Variants in FAM13A observed in about 807,000 individuals in gnomAD.
FAM13A encodes the protein family with sequence similarity 13 member A, also known as protein FAM13A.
A neutral mutation model predicts 129.6 loss-of-function variants in FAM13A; 76 were observed. That is an observed-to-expected ratio of 0.59 (90% CI 0.49 to 0.71). The LOEUF (loss-of-function observed/expected upper bound fraction) is 0.71. Among genes scored for constraint, FAM13A ranks in the 30% least tolerant of loss-of-function variants. The pLI is 0.00. For missense variants in FAM13A, 1,108 were observed against 1,249.3 expected (o/e 0.89, Z 1.70); for synonymous variants, 443 against 449.9 (o/e 0.98, Z 0.20).
intron 7 of FAM13A, among the ~76,000 whole-genome samples, chr4:88,831,323 C>T (rs984004927): frequency 6.6e-6 from 1 of 152,206 alleles, no homozygotes; most frequent in African/African-American, 2.4e-5. Flanking sequence ...CTTAAATTGT[C>T]CCCTTGAACT....
At chr4:88,750,236 T>C (rs907095162) in intron 15 of FAM13A, among the ~76,000 whole-genome samples, 188 bp downstream of exon 15, 51 of 152,118 alleles carry the variant, frequency 3.4e-4, no homozygotes, top group African/African-American at 1.2e-3. Context: ...ATATGTGATG[T>C]TGCAGTTGGG....
chr4:88,868,554 G>C (rs973404371), intron 6 of FAM13A, among the ~76,000 whole-genome samples: 2 of 152,058 alleles, frequency 1.3e-5, no homozygotes, highest in Non-Finnish European at 2.9e-5. Context: ...GATTAAAACT[G>C]TTCAGTGGCT....
At chr4:88,748,039 G>A (rs1051992287) in intron 17 of FAM13A, among the ~76,000 whole-genome samples, 188 bp from the exon 18 acceptor site, 4 of 152,152 alleles carry the variant, frequency 2.6e-5, no homozygotes, top group African/African-American at 7.2e-5. Flanking sequence ...ACAGGTGCCC[G>A]CCACCACGCC....
At chr4:88,906,487 A>G (rs775770351) in intron 5 of FAM13A, 25 bp from the exon 6 acceptor site, 2 of 1,505,678 alleles carry the variant, frequency 1.3e-6, no homozygotes, top group Non-Finnish European at 1.8e-6. Flanking sequence ...TAAAGGAAAC[A>G]TTAGAGATTA....
At chr4:88,767,322 A>G (rs577194316) in intron 13 of FAM13A, among the ~76,000 whole-genome samples, 86 of 152,338 alleles carry the variant, frequency 5.6e-4, no homozygotes, top group African/African-American at 1.9e-3. Context: ...AGAAATCCCT[A>G]TGCTATTAAA....
chr4:88,919,064 T>C (rs915972930), intron 5 of FAM13A, among the ~76,000 whole-genome samples: 20 of 152,234 alleles, frequency 1.3e-4, no homozygotes, highest in African/African-American at 4.1e-4. Flanking sequence ...TTCCATTAAC[T>C]ACTCTGACAC....
At position 88,758,790 on chromosome 4, in the gene FAM13A, C is replaced by T. The variant is rs769399236; in HGVS notation, c.1690G>A (p.Asp564Asn). 5 of 1,613,902 alleles carry T rather than the reference C, an allele frequency of 3.1e-6. No individual in the cohort carries two copies. The highest frequency in any genetic ancestry group is 3.3e-5 in the Admixed American group (2 of 59,992). The change falls in exon 14 of 24, where the codon GAC becomes AAC. Residue 564 changes from aspartate (D) to asparagine (N), a missense_variant. Physicochemically the swap from Asp to Asn is conservative, Grantham distance 23. Coordinates refer to ENST00000264344, the MANE Select transcript of FAM13A (RefSeq NM_014883.4). ...ESFVSEVPQS[D>N]LTALCDEKNW... ...TTTTCATCACACAATGCAGTCAGGT[C>T]CGACTGGGGCACTTCGGAGACAAAG...
intron 4 of FAM13A, among the ~76,000 whole-genome samples, chr4:88,959,072 A>G (rs1250265714): frequency 6.6e-6 from 1 of 152,180 alleles, no homozygotes; most frequent in Non-Finnish European, 1.5e-5. Context: ...CATATACCCC[A>G]TTGTATCTTG....
intron 5 of FAM13A, among the ~76,000 whole-genome samples, chr4:88,920,442 G>A (rs1750866139): frequency 1.3e-5 from 2 of 152,220 alleles, no homozygotes; most frequent in Admixed American, 1.3e-4. Flanking sequence ...GGCAAACAGG[G>A]TCTGGAGTGG....
chr4:88,948,687 C>A (rs558398285), intron 4 of FAM13A, among the ~76,000 whole-genome samples: 1 of 152,190 alleles, frequency 6.6e-6, no homozygotes, highest in Non-Finnish European at 1.5e-5. Flanking sequence ...CGGGGTTTCA[C>A]CATGTTGGCC....
intron 3 of FAM13A, among the ~76,000 whole-genome samples, chr4:88,994,227 T>G (rs899791158): frequency 5.9e-5 from 9 of 152,212 alleles, no homozygotes; most frequent in African/African-American, 2.2e-4. Context: ...AATTTACTTC[T>G]TGAATCCCTG....
intron 7 of FAM13A, among the ~76,000 whole-genome samples, chr4:88,831,501 C>T (rs189334660): frequency 5.3e-5 from 8 of 152,158 alleles, no homozygotes; most frequent in East Asian, 1.9e-4. Context: ...AAATACCAAG[C>T]GCAAGCATAA....
At chr4:88,985,320 G>T (rs1010689279) in intron 4 of FAM13A, among the ~76,000 whole-genome samples, 4 of 152,166 alleles carry the variant, frequency 2.6e-5, no homozygotes, top group African/African-American at 9.7e-5. Context: ...AATGGGAAGT[G>T]ACTGCTAACA....
At chr4:88,975,413 A>G (rs2148965296) in intron 4 of FAM13A, among the ~76,000 whole-genome samples, 1 of 152,346 alleles carries the variant, frequency 6.6e-6, no homozygotes, top group South Asian at 2.1e-4. Flanking sequence ...AATACCTAAT[A>G]AACATGCCTC....
At chr4:89,037,682 T>C (rs1037326797) in intron 1 of FAM13A, among the ~76,000 whole-genome samples, 2 of 152,178 alleles carry the variant, frequency 1.3e-5, no homozygotes, top group African/African-American at 4.8e-5. Flanking sequence ...ACCACCCATG[T>C]CTCATCTTGA....
At chr4:88,876,476 T>C (rs1430024881) in intron 6 of FAM13A, among the ~76,000 whole-genome samples, 5 of 152,160 alleles carry the variant, frequency 3.3e-5, no homozygotes, top group Non-Finnish European at 1.5e-5. Flanking sequence ...ACTAACATAA[T>C]AATAAAAAAC....
chr4:88,900,776 G>A (rs149397034), intron 6 of FAM13A, among the ~76,000 whole-genome samples: 1 of 152,244 alleles, frequency 6.6e-6, no homozygotes, highest in Non-Finnish European at 1.5e-5. Flanking sequence ...CACAATGATA[G>A]GATCAAATTC....
rs548007490 is a variant in FAM13A, at chr4:88,726,204, C to CACTG, written c.*2325_*2328dup. ...CATCTCCCTCGGCAGAGCCAGAAAC[C>CACTG]ACTGACTGACTGACTAACAAACATT... On this transcript the variant is annotated 3_prime_UTR_variant, in exon 24 of 24. Transcript: ENST00000264344. The CACTG allele has an allele frequency of 2.0e-4, 30 of 152,222 alleles. No homozygotes were observed. The highest frequency in any genetic ancestry group is 5.3e-4 in the African/African-American group (22 of 41,532). The allele number at this position is 152,222 out of a possible 1,614,324, so 9.4% of individuals were successfully genotyped here.
In FAM13A at chr4:88,826,262, G is replaced by C. The variant is rs115649881; in HGVS notation, c.1008-21210C>G. Among the ~76,000 whole-genome samples the C allele has an allele frequency of 4.0e-3, 589 of 147,354 alleles. 4 individuals are homozygous for C. The highest frequency in any genetic ancestry group is 0.014 in the African/African-American group (571 of 39,768). On this transcript the variant is annotated intron_variant, in intron 7 of 23. Coordinates refer to ENST00000264344, the MANE Select transcript of FAM13A (RefSeq NM_014883.4). ...CTCTCTGTTCAACTCCAACTGTTTT[G>C]TGATGTCCACAGAGGATAGCCTGCA... is the stretch of plus-strand genomic sequence containing the variant.
Sources: gnomAD v4.1 joint callset for allele counts (sites outside exome capture counted in the v4.1 genomes callset) on GRCh38, gnomAD v4.1.1 for gene constraint, MANE v1.5 for transcripts, NCBI Gene and HGNC (gene_info 2026-07-23, HGNC 2026-07-21) for gene names.